ROR1: variants seen among roughly 807,000 people sequenced by gnomAD.
The protein encoded by ROR1 is ROR family WNT receptor 1, also known as inactive tyrosine-protein kinase transmembrane receptor ROR1.
ROR1 carries 19 observed loss-of-function variants against 78.8 expected under a neutral mutation model. The observed-to-expected ratio is 0.24, with a 90% CI of 0.17 to 0.35. The LOEUF is 0.35. Ranked by LOEUF, ROR1 falls within the 10% of genes least tolerant of loss-of-function variation. The pLI is 1.00. For synonymous variants in ROR1, 386 were observed against 433.6 expected (o/e 0.89, Z 1.36); for missense variants, 917 against 1,177.8 (o/e 0.78, Z 3.24).
intron 1 of ROR1, among the ~76,000 whole-genome samples, chr1:63,829,154 G>A (rs1557516505): frequency 2.0e-5 from 3 of 152,198 alleles, no homozygotes; most frequent in Non-Finnish European, 2.9e-5. Context: ...TACTGGCTGT[G>A]TGGTAATAGC....
At chr1:63,775,130 G>T (rs968829089) in intron 1 of ROR1, among the ~76,000 whole-genome samples, 1 of 152,182 alleles carries the variant, frequency 6.6e-6, no homozygotes, top group Non-Finnish European at 1.5e-5. Context: ...TGCAAAATGT[G>T]CTGTCAGAGG....
At chr1:64,139,749 T>C (rs891028828) in intron 5 of ROR1, among the ~76,000 whole-genome samples, 13 of 152,188 alleles carry the variant, frequency 8.5e-5, no homozygotes, top group African/African-American at 2.9e-4. Context: ...CCTACAGCTG[T>C]CAAATGTTTT....
At chr1:64,118,868 C>T (rs556453093) in intron 4 of ROR1, among the ~76,000 whole-genome samples, 7 of 152,056 alleles carry the variant, frequency 4.6e-5, no homozygotes, top group Non-Finnish European at 8.8e-5. Context: ...TTCAACTGTT[C>T]TGGGCTATGG....
chr1:64,158,503 T>C (rs1040142166), intron 7 of ROR1, among the ~76,000 whole-genome samples: 3 of 152,242 alleles, frequency 2.0e-5, no homozygotes, highest in Non-Finnish European at 4.4e-5. Flanking sequence ...TTCTGGAAGA[T>C]GCAGGCTTGG....
At chr1:64,142,710 C>A (rs780474380) in intron 7 of ROR1, 60 bp downstream of exon 7, 2 of 1,595,404 alleles carry the variant, frequency 1.3e-6, no homozygotes, top group Non-Finnish European at 8.5e-7. Context: ...CTATCCTACC[C>A]CTCTTATTTA....
intron 1 of ROR1, among the ~76,000 whole-genome samples, chr1:63,976,588 A>G (rs1646163003): frequency 6.6e-6 from 1 of 152,158 alleles, no homozygotes; most frequent in East Asian, 1.9e-4. Context: ...ACTTTCCACC[A>G]TTTTGGAGAA....
chr1:63,957,131 T>C (rs1488957789), intron 1 of ROR1, among the ~76,000 whole-genome samples: 3 of 152,202 alleles, frequency 2.0e-5, no homozygotes, highest in East Asian at 1.9e-4. Context: ...GTAGAGATTA[T>C]ATGCAATGAC....
At position 64,126,589 on chromosome 1, in the gene ROR1, GGAGT is replaced by G. The variant is rs1002059906; in HGVS notation, c.483-10779_483-10776del. Among the ~76,000 whole-genome samples the G allele has an allele frequency of 9.4e-4, 143 of 152,266 alleles. 1 individual carries two copies. The highest frequency in any genetic ancestry group is 3.3e-3 in the African/African-American group (138 of 41,564). On this transcript the variant is annotated intron_variant, in intron 4 of 8. Transcript: ENST00000371079. ...AGTTCAACTTCCATATTATACAAAT[GGAGT>G]AAGTGAGGACAAAGAAGGTAAGTGA... is the stretch of plus-strand genomic sequence containing the variant.
At chr1:63,796,912 A>G (rs1319521036) in intron 1 of ROR1, among the ~76,000 whole-genome samples, 1 of 152,182 alleles carries the variant, frequency 6.6e-6, no homozygotes, top group Non-Finnish European at 1.5e-5. Context: ...ATCCAACATC[A>G]TCGGTGATGA....
At chr1:64,014,740 C>CATATA (rs1646504665) in intron 2 of ROR1, among the ~76,000 whole-genome samples, 1 of 29,048 alleles carries the variant, frequency 3.4e-5, no homozygotes, top group African/African-American at 1.1e-4. Flanking sequence ...CATACGCACA[C>CATATA]TATATATATA....
intron 1 of ROR1, among the ~76,000 whole-genome samples, chr1:63,811,960 G>GTTTTTTT (rs568040372): frequency 8.1e-6 from 1 of 124,062 alleles, no homozygotes; most frequent in African/African-American, 3.2e-5. Context: ...AACCAGAGGT[G>GTTTTTTT]TTTTTTTTTT....
At chr1:63,927,809 C>T (rs855857) in intron 1 of ROR1, among the ~76,000 whole-genome samples, 102,210 of 151,972 alleles carry the variant, frequency 0.67, 38,077 homozygotes, top group East Asian at 0.94. Context: ...TTCCATCTTG[C>T]TTCTTTTGTT....
At chr1:63,895,716 A>T (rs1449781925) in intron 1 of ROR1, among the ~76,000 whole-genome samples, 2 of 152,194 alleles carry the variant, frequency 1.3e-5, no homozygotes, top group Non-Finnish European at 2.9e-5. Context: ...CTCAGAGTTG[A>T]GATCATTAAC....
At chr1:64,071,771 C>A (rs1304270484) in intron 4 of ROR1, among the ~76,000 whole-genome samples, 1 of 152,126 alleles carries the variant, frequency 6.6e-6, no homozygotes, top group Non-Finnish European at 1.5e-5. Flanking sequence ...TTTTCTATTC[C>A]TCTATAATCT....
At chr1:64,139,882 T>C (rs1306594105) in intron 5 of ROR1, among the ~76,000 whole-genome samples, 1 of 152,178 alleles carries the variant, frequency 6.6e-6, no homozygotes, top group Non-Finnish European at 1.5e-5. Flanking sequence ...AAATGGTACA[T>C]ATGTAATTTA....
chr1:64,158,869 T>G (rs1420867575), intron 7 of ROR1, 112 bp from the exon 8 acceptor site: 1 of 738,858 alleles, frequency 1.4e-6, no homozygotes, highest in Admixed American at 2.5e-5. Flanking sequence ...TCACAGTGGA[T>G]TTGTGTGTAT....
Position 64,134,658 on chromosome 1 carries a change from G to A in ROR1, c.483-2711G>A, listed in dbSNP as rs574233130. The stretch of plus-strand genomic sequence containing the variant: ...GGTTTCTTTAAGCATAGATACCTAA[G>A]CCTCATCCCCAGAGACTATGATTTA... On this transcript the variant is annotated intron_variant, in intron 4 of 8. Coordinates refer to ENST00000371079, the MANE Select transcript of ROR1 (RefSeq NM_005012.4). Among the ~76,000 whole-genome samples the A allele has an allele frequency of 7.9e-5, 12 of 151,980 alleles. No homozygotes were observed. In the East Asian group the frequency reaches 1.9e-3, roughly 25 times the overall value.
chr1:63,939,849 A>G (rs1379342328), intron 1 of ROR1, among the ~76,000 whole-genome samples: 6 of 152,210 alleles, frequency 3.9e-5, no homozygotes, highest in Admixed American at 3.3e-4. Context: ...CACCACAGAC[A>G]AGCCTGCTAC....
intron 1 of ROR1, among the ~76,000 whole-genome samples, chr1:63,846,039 T>G (rs1645078187): frequency 6.6e-6 from 1 of 152,064 alleles, no homozygotes; most frequent in African/African-American, 2.4e-5. Flanking sequence ...TCTACAATAT[T>G]CCTTGAAGGG....
Sources: gnomAD v4.1 joint callset for allele counts (sites outside exome capture counted in the v4.1 genomes callset) on GRCh38, gnomAD v4.1.1 for gene constraint, MANE v1.5 for transcripts, NCBI Gene and HGNC (gene_info 2026-07-23, HGNC 2026-07-21) for gene names.